Variants in CADM1 observed in about 807,000 individuals in gnomAD.
The protein encoded by CADM1 is TSLC-1.
A neutral mutation model predicts 53.1 loss-of-function variants in CADM1; 15 were observed. The observed-to-expected ratio is 0.28, with a 90% CI of 0.19 to 0.44. The LOEUF (loss-of-function observed/expected upper bound fraction) is 0.44, where lower values mean the gene tolerates loss of function less well. Ranked by LOEUF, CADM1 falls within the 20% of genes least tolerant of loss-of-function variation. The pLI is 1.00. For synonymous variants in CADM1, 281 were observed against 243.0 expected, an observed-to-expected ratio of 1.16 and a Z score of -1.45; for missense variants, 434 against 611.3, an observed-to-expected ratio of 0.71 and a Z score of 3.06.
At chr11:115,185,554 C>CCCCT (rs1220743992) in intron 10 of CADM1, among the ~76,000 whole-genome samples, 8 of 152,134 alleles carry the variant, frequency 5.3e-5, no homozygotes, top group Middle Eastern at 3.4e-3. Context: ...TTGATTTTTT[C>CCCCT]CCCTCTCAAA....
chr11:115,240,382 T>C lies in CADM1; in HGVS notation c.163A>G (p.Ile55Val), dbSNP rs1565318730. Residue 55 changes from isoleucine to valine, a missense_variant, in exon 2 of 12, where the codon ATC becomes GTC. By Grantham distance (29) the Ile-to-Val change is conservative. Transcript: ENST00000331581. ...QNLFTKDVTV[I>V]EGEVATISCQ... ...CTGATGGTCGCAACCTCTCCCTCGA[T>C]CACTGTCACGTCTTTCGTAAACAGA... 6.2e-7 allele frequency: 1 copy of C among 1,613,742 alleles called. No homozygotes were observed. Among genetic ancestry groups the C allele is most frequent in the Non-Finnish European group, 8.5e-7 (1 of 1,179,846 alleles).
At chr11:115,484,082 A>G (rs553516305) in intron 1 of CADM1, among the ~76,000 whole-genome samples, 130 of 152,324 alleles carry the variant, frequency 8.5e-4, no homozygotes, top group South Asian at 8.5e-3. Flanking sequence ...TGTCCTTTAC[A>G]TAAAGGAGTT....
At chr11:115,352,890 T>C (rs909373538) in intron 1 of CADM1, among the ~76,000 whole-genome samples, 1 of 152,212 alleles carries the variant, frequency 6.6e-6, no homozygotes, top group African/African-American at 2.4e-5. Flanking sequence ...TATTCCACGG[T>C]GTATATGTAC....
At chr11:115,292,320 T>C (rs979721189) in intron 1 of CADM1, among the ~76,000 whole-genome samples, 10 of 152,210 alleles carry the variant, frequency 6.6e-5, no homozygotes, top group African/African-American at 2.4e-4. Context: ...TGTAGCTTCA[T>C]GCAGTAATTT....
At chr11:115,190,608 T>C in intron 10 of CADM1, 1 of 388,312 alleles carries the variant, frequency 2.6e-6, no homozygotes, top group South Asian at 6.6e-5. Flanking sequence ...AAACATTATT[T>C]GAAGCCACTG....
intron 1 of CADM1, among the ~76,000 whole-genome samples, chr11:115,375,654 T>G (rs1173773251): frequency 3.3e-5 from 5 of 152,156 alleles, no homozygotes; most frequent in African/African-American, 4.8e-5. Flanking sequence ...TAAAACAATG[T>G]GTTGTTAAAG....
intron 1 of CADM1, among the ~76,000 whole-genome samples, chr11:115,277,854 G>C (rs1943485290): frequency 6.6e-6 from 1 of 152,076 alleles, no homozygotes. Flanking sequence ...AGCCATTTGT[G>C]CTAAATACTG....
At chr11:115,476,566 G>C (rs57672221) in intron 1 of CADM1, among the ~76,000 whole-genome samples, 2 of 152,150 alleles carry the variant, frequency 1.3e-5, no homozygotes, top group Non-Finnish European at 2.9e-5. Context: ...AGCACGCTGC[G>C]TGGTAGGAGA....
chr11:115,404,388 T>TATATATATA (rs1947258394), intron 1 of CADM1, among the ~76,000 whole-genome samples: 1 of 103,110 alleles, frequency 9.7e-6, no homozygotes, highest in African/African-American at 3.9e-5. Flanking sequence ...TATATATATA[T>TATATATATA]GGCCCATTTG....
At chr11:115,177,208 G>A (rs577779084) in intron 11 of CADM1, among the ~76,000 whole-genome samples, 13 of 152,176 alleles carry the variant, frequency 8.5e-5, no homozygotes, top group Admixed American at 8.5e-4. Context: ...AGGGATCAAG[G>A]TTTGGGATCT....
At chr11:115,390,664 T>C (rs1044146627) in intron 1 of CADM1, among the ~76,000 whole-genome samples, 20 of 142,658 alleles carry the variant, frequency 1.4e-4, no homozygotes, top group African/African-American at 5.0e-4. Flanking sequence ...AAGGTTAGGC[T>C]ACTCTTAAAA....
intron 1 of CADM1, among the ~76,000 whole-genome samples, chr11:115,346,195 C>G (rs1945572149): frequency 1.3e-5 from 2 of 152,170 alleles, no homozygotes; most frequent in Admixed American, 6.6e-5. Flanking sequence ...TCCCTGACAG[C>G]CTTTTAATCC....
intron 1 of CADM1, among the ~76,000 whole-genome samples, chr11:115,261,121 A>G (rs1185206029): frequency 6.6e-6 from 1 of 152,198 alleles, no homozygotes; most frequent in African/African-American, 2.4e-5. Context: ...GGTAGGCTAA[A>G]TGTCATGAGG....
Position 115,175,125 on chromosome 11 carries a change from G to T in CADM1, c.*1349C>A. ...ATAAAAACACTCACATTTGAGTTTT[G>T]ATTAAGTAACTGAAAATCCGTACAT... On this transcript the variant is annotated 3_prime_UTR_variant, in exon 12 of 12. Transcript: ENST00000331581. 3.0e-6 allele frequency: 3 copies of T among 985,780 alleles called. No individual in the cohort carries two copies. Among genetic ancestry groups the T allele is most frequent in the Non-Finnish European group, 3.6e-6 (3 of 829,906 alleles). 61.1% of individuals were successfully genotyped at this position (985,780 alleles called of 1,614,324 possible). A position where few individuals can be genotyped will look rare whatever the true frequency, so the allele number is the denominator to read the frequency against.
intron 9 of CADM1, 107 bp from the exon 10 acceptor site, chr11:115,191,048 G>T: frequency 1.1e-6 from 1 of 876,614 alleles, no homozygotes; most frequent in Non-Finnish European, 1.8e-6. Context: ...CAAATCTCTT[G>T]CTATCTATGT....
At chr11:115,402,999 T>C (rs566062664) in intron 1 of CADM1, among the ~76,000 whole-genome samples, 22 of 152,254 alleles carry the variant, frequency 1.4e-4, no homozygotes, top group African/African-American at 5.3e-4. Flanking sequence ...GCAAACACCA[T>C]AGGAAAGAAT....
At chr11:115,329,838 G>A (rs1458212487) in intron 1 of CADM1, among the ~76,000 whole-genome samples, 2 of 151,732 alleles carry the variant, frequency 1.3e-5, no homozygotes, top group Non-Finnish European at 2.9e-5. Context: ...GGAGCGGGAA[G>A]ATGATCTTCC....
intron 1 of CADM1, among the ~76,000 whole-genome samples, chr11:115,484,405 C>T (rs986768179): frequency 6.6e-6 from 1 of 152,230 alleles, no homozygotes; most frequent in African/African-American, 2.4e-5. Context: ...AAAAGCTGCA[C>T]ATGTCCAGAA....
intron 1 of CADM1, among the ~76,000 whole-genome samples, chr11:115,397,874 T>A (rs1267358681): frequency 1.3e-5 from 2 of 152,154 alleles, no homozygotes; most frequent in African/African-American, 2.4e-5. Flanking sequence ...ACCCAGAGAC[T>A]ACATCCAAAT....
Sources: gnomAD v4.1 joint callset for allele counts (sites outside exome capture counted in the v4.1 genomes callset) on GRCh38, gnomAD v4.1.1 for gene constraint, MANE v1.5 for transcripts, NCBI Gene and HGNC (gene_info 2026-07-23, HGNC 2026-07-21) for gene names.